Variants in BIRC6 observed in about 807,000 individuals in gnomAD.
BIRC6 encodes dual E2 ubiquitin-conjugating enzyme/E3 ubiquitin-protein ligase BIRC6.
BIRC6 carries 98 observed loss-of-function variants against 503.3 expected under a neutral mutation model. The ratio of observed to expected loss-of-function variants is 0.19; its 90% confidence interval spans 0.17 to 0.23. BIRC6 has a LOEUF of 0.23. BIRC6 is among the 10% of genes least tolerant of loss of function. The probability of loss-of-function intolerance (pLI) is 1.00; values close to 1 mark genes in which losing one functional copy is unlikely to be tolerated. For synonymous variants in BIRC6, 2,240 were observed against 2,078.7 expected (o/e 1.08, Z -2.11); for missense variants, 5,360 against 5,806.0 (o/e 0.92, Z 2.50).
chr2:32,460,931 A>G (rs2047822906), intron 23 of BIRC6, among the ~76,000 whole-genome samples: 2 of 151,770 alleles, frequency 1.3e-5, no homozygotes, highest in Non-Finnish European at 2.9e-5. Flanking sequence ...GAACACTTGA[A>G]GGAGCAGATG....
At position 32,609,749 on chromosome 2, in the gene BIRC6, CAAAAA is replaced by C. The variant is rs11336710; in HGVS notation, c.14260-1685_14260-1681del. 5.2e-5 allele frequency among the ~76,000 whole-genome samples: 6 copies of C among 115,540 alleles called. No homozygotes were observed. In the East Asian group the frequency reaches 9.0e-4, roughly 17 times the overall value. 75.8% of individuals were successfully genotyped at this position (115,540 alleles called of 152,430 possible). ...TGGGCAGCACGGTGAGACTCTGTCTCAAAAAAAAAAAAAAAAAAGTAATTTGTTTT... is the reference window on the plus strand; with the variant it reads ...TGGGCAGCACGGTGAGACTCTGTCTCAAAAAAAAAAAAAGTAATTTGTTTT... On this transcript the variant is annotated intron_variant, in intron 72 of 73. Transcript: ENST00000421745.
At chr2:32,472,350 T>C (rs1420482258) in intron 32 of BIRC6, among the ~76,000 whole-genome samples, 1 of 152,128 alleles carries the variant, frequency 6.6e-6, no homozygotes, top group Non-Finnish European at 1.5e-5. Flanking sequence ...ATTACAGATG[T>C]GAGCTACTGC....
At chr2:32,370,839 C>T (rs1346087029) in intron 1 of BIRC6, among the ~76,000 whole-genome samples, 3 of 151,848 alleles carry the variant, frequency 2.0e-5, no homozygotes, top group East Asian at 1.9e-4. Flanking sequence ...TTTAAAATAG[C>T]GTTGAAGTCT....
rs770672789 is a variant in BIRC6, at chr2:32,534,730, C to CAAAAAA, written c.12291+3203_12291+3208dup. ...TGGGTGACAGAGCAAGACTCTGTCT[C>CAAAAAA]AAAAAAAAAAAAAAAAAAAAAAAAA... On this transcript the variant is annotated intron_variant, in intron 61 of 73. Coordinates refer to ENST00000421745, the MANE Select transcript of BIRC6 (RefSeq NM_016252.4). Among the ~76,000 whole-genome samples the CAAAAAA allele has an allele frequency of 1.6e-3, 36 of 22,318 alleles. 1 individual carries two copies. Among genetic ancestry groups the CAAAAAA allele is most frequent in the African/African-American group, 4.4e-3 (32 of 7,248 alleles). The allele number at this position is 22,318 out of a possible 152,430, so 14.6% of individuals were successfully genotyped here.
chr2:32,510,534 A>G lies in BIRC6; in HGVS notation c.10246A>G (p.Ser3416Gly). The G allele has an allele frequency of 2.5e-6, 4 of 1,580,250 alleles. No individual in the cohort carries two copies. Among genetic ancestry groups the G allele is most frequent in the Non-Finnish European group, 3.5e-6 (4 of 1,151,128 alleles). ...GGATTCTTTGTTGCAAGATTTGAATAGTCCTTTACTTTTTGGAAGACTAAA... is the reference window on the plus strand; with the variant it reads ...GGATTCTTTGTTGCAAGATTTGAATGGTCCTTTACTTTTTGGAAGACTAAA... ...ASGSDPTDLN[S>G]PLLFGRLNGL... Residue 3416 changes from serine (S) to glycine (G), a missense_variant, in exon 53 of 74, where the codon AGT becomes GGT. Ser to Gly is a moderately conservative substitution (Grantham distance 56, BLOSUM62 0). This residue lies in a region of BIRC6 where 878 missense variants were observed against 928.9 expected (regional missense o/e 0.95). Transcript: ENST00000421745.
chr2:32,404,130 A>G (rs1251964718), intron 8 of BIRC6, among the ~76,000 whole-genome samples: 1 of 151,682 alleles, frequency 6.6e-6, no homozygotes, highest in Non-Finnish European at 1.5e-5. Flanking sequence ...GGGTTTCTCC[A>G]TGTTGGCCAG....
intron 8 of BIRC6, among the ~76,000 whole-genome samples, chr2:32,402,708 T>G (rs2040735754): frequency 6.6e-6 from 1 of 152,194 alleles, no homozygotes. Flanking sequence ...CTGACCATAT[T>G]TTGCCAATAG....
At chr2:32,397,190 G>C (rs1419335128) in intron 6 of BIRC6, among the ~76,000 whole-genome samples, 1 of 151,826 alleles carries the variant, frequency 6.6e-6, no homozygotes, top group East Asian at 1.9e-4. Flanking sequence ...GAAGCTGTGG[G>C]CCAGGCATGG....
intron 23 of BIRC6, 140 bp from the exon 24 acceptor site, chr2:32,463,054 C>T: frequency 1.7e-6 from 1 of 589,518 alleles, no homozygotes; most frequent in Non-Finnish European, 2.8e-6. Context: ...TTTATACTTT[C>T]CAGATTTCTT....
intron 23 of BIRC6, among the ~76,000 whole-genome samples, chr2:32,456,701 G>C (rs901433451): frequency 3.9e-5 from 6 of 152,078 alleles, no homozygotes; most frequent in Non-Finnish European, 8.8e-5. Context: ...GCACTTGTTG[G>C]TGAAGTGTAC....
chr2:32,432,628 T>C (rs2044255612), intron 12 of BIRC6, among the ~76,000 whole-genome samples: 1 of 151,544 alleles, frequency 6.6e-6, no homozygotes, highest in Non-Finnish European at 1.5e-5. Context: ...GACATGGTGG[T>C]ATGTGCCTGT....
chr2:32,596,977 T>A (rs2061716553), intron 68 of BIRC6, among the ~76,000 whole-genome samples: 1 of 152,200 alleles, frequency 6.6e-6, no homozygotes, highest in South Asian at 2.1e-4. Context: ...AGTTCTCTCA[T>A]ACTACATAAA....
intron 10 of BIRC6, among the ~76,000 whole-genome samples, chr2:32,418,146 A>T (rs2042578110): frequency 6.6e-6 from 1 of 152,228 alleles, no homozygotes; most frequent in African/African-American, 2.4e-5. Context: ...AAATCCAACT[A>T]GATTAATTTA....
intron 65 of BIRC6, chr2:32,566,448 A>T (rs989204758): frequency 6.6e-6 from 1 of 152,030 alleles, no homozygotes; most frequent in Non-Finnish European, 1.5e-5. Flanking sequence ...GACCTCCTGG[A>T]CTCAAGTGAT....
intron 65 of BIRC6, among the ~76,000 whole-genome samples, chr2:32,570,375 G>C (rs1203987544): frequency 6.6e-6 from 1 of 152,096 alleles, no homozygotes; most frequent in African/African-American, 2.4e-5. Flanking sequence ...GTAGACACAG[G>C]GTTTCACCAT....
At chr2:32,465,558 T>G (rs1015372487) in intron 26 of BIRC6, among the ~76,000 whole-genome samples, 5 of 152,176 alleles carry the variant, frequency 3.3e-5, no homozygotes, top group African/African-American at 2.4e-5. Context: ...AATAACTGGA[T>G]AAGAATAATA....
intron 57 of BIRC6, chr2:32,522,127 T>C (rs1440891941): frequency 6.6e-6 from 1 of 152,026 alleles, no homozygotes; most frequent in Non-Finnish European, 1.5e-5. Flanking sequence ...CTGTGTCTGA[T>C]CTGTTAGACG....
Position 32,499,458 on chromosome 2 carries a change from C to G in BIRC6, c.8469-89C>G, listed in dbSNP as rs1230483447. 6 of 1,176,318 alleles carry G rather than the reference C, an allele frequency of 5.1e-6. No homozygotes were observed. The East Asian group carries it at 1.6e-4, about 30-fold the overall frequency. The allele number at this position is 1,176,318 out of a possible 1,614,324, so 72.9% of individuals were successfully genotyped here. A position where few individuals can be genotyped will look rare whatever the true frequency, so the allele number is the denominator to read the frequency against. The stretch of plus-strand genomic sequence containing the variant: ...TTGTGATAAGTTACTACTTTCAGAA[C>G]TACTTAAAATCGTTTAATTTTTAAT... On this transcript the variant is annotated intron_variant, in intron 45 of 73. Transcript: ENST00000421745.
chr2:32,500,606 G>GTTTTTTTTT (rs758919928), intron 46 of BIRC6, among the ~76,000 whole-genome samples: 2 of 118,298 alleles, frequency 1.7e-5, no homozygotes, highest in African/African-American at 3.2e-5. Context: ...TTTTGTTTTT[G>GTTTTTTTTT]TTTTTTTTTT....
Sources: gnomAD v4.1 joint callset for allele counts (sites outside exome capture counted in the v4.1 genomes callset) on GRCh38, gnomAD v4.1.1 for gene constraint, gnomAD v4.1.1 regional missense constraint, MANE v1.5 for transcripts, NCBI Gene and HGNC (gene_info 2026-07-23, HGNC 2026-07-21) for gene names.